Variants in TMEM67 observed in about 807,000 individuals in gnomAD.
The protein encoded by TMEM67 is meckelin.
A neutral mutation model predicts 136.6 loss-of-function variants in TMEM67; 124 were observed. The ratio of observed to expected loss-of-function variants is 0.91; its 90% CI spans 0.78 to 1.05. The LOEUF is 1.05. Among genes scored for constraint, TMEM67 ranks in the 50% least tolerant of loss-of-function variants. The pLI, the probability that TMEM67 is intolerant of heterozygous loss-of-function variation, is 0.00. For missense variants in TMEM67, 1,107 were observed against 1,178.4 expected, an observed-to-expected ratio of 0.94 and a Z score of 0.89; for synonymous variants, 364 against 390.5, an observed-to-expected ratio of 0.93 and a Z score of 0.80.
chr8:93,780,459 C>T, intron 7 of TMEM67, 134 bp from the exon 8 acceptor site: 1 of 893,150 alleles, frequency 1.1e-6, no homozygotes, highest in Non-Finnish European at 1.8e-6. Context: ...GTTGATTATG[C>T]TGGGAGCTGC....
At chr8:93,805,532 G>A (rs1257505514) in intron 23 of TMEM67, among the ~76,000 whole-genome samples, 5 of 147,856 alleles carry the variant, frequency 3.4e-5, no homozygotes, top group Admixed American at 1.4e-4. Flanking sequence ...AGTGAGCCGA[G>A]ATTGCGCCAC....
intron 23 of TMEM67, among the ~76,000 whole-genome samples, chr8:93,807,436 C>T (rs1222879486): frequency 6.6e-6 from 1 of 151,944 alleles, no homozygotes; most frequent in Non-Finnish European, 1.5e-5. Flanking sequence ...ATGGTAAAAT[C>T]ATATTTTGTA....
intron 7 of TMEM67, among the ~76,000 whole-genome samples, chr8:93,779,025 C>T (rs1192118061): frequency 6.6e-6 from 1 of 152,146 alleles, no homozygotes; most frequent in Non-Finnish European, 1.5e-5. Flanking sequence ...TCACATAGTC[C>T]CATATTTCTT....
At chr8:93,798,941 T>TG (rs1563473392) in intron 20 of TMEM67, among the ~76,000 whole-genome samples, 15 of 105,884 alleles carry the variant, frequency 1.4e-4, no homozygotes, top group South Asian at 1.4e-3. Context: ...TGTACTAAAG[T>TG]AGTGTGTGTG....
intron 14 of TMEM67, among the ~76,000 whole-genome samples, chr8:93,790,602 T>C (rs1216451569): frequency 6.6e-6 from 1 of 152,250 alleles, no homozygotes; most frequent in Non-Finnish European, 1.5e-5. Flanking sequence ...CCCAACCATT[T>C]ATTCTTTCAT....
At chr8:93,804,025 C>T (rs930896671) in intron 22 of TMEM67, among the ~76,000 whole-genome samples, 1 of 151,812 alleles carries the variant, frequency 6.6e-6, no homozygotes, top group African/African-American at 2.4e-5. Flanking sequence ...CAGGTGTGCA[C>T]CACTATGCTG....
chr8:93,793,427 A>T, intron 16 of TMEM67, 131 bp downstream of exon 16: 1 of 761,368 alleles, frequency 1.3e-6, no homozygotes, highest in Admixed American at 2.0e-5. Flanking sequence ...TAGGGTAAGT[A>T]TTGCTGGGTC....
chr8:93,816,497 A>G lies in TMEM67; in HGVS notation c.*45A>G. ...AAAGACTCAGTATAATCATGGCCAAAAAAAAGTCATGATATCAGGTTAGTT... is the reference window on the plus strand; with the variant it reads ...AAAGACTCAGTATAATCATGGCCAAGAAAAAGTCATGATATCAGGTTAGTT... On this transcript the variant is annotated 3_prime_UTR_variant, in exon 28 of 28. Transcript: ENST00000453321. 9.2e-7 allele frequency: 1 copy of G among 1,089,584 alleles called. No homozygotes were observed. Among genetic ancestry groups the G allele is most frequent in the Non-Finnish European group, 1.4e-6 (1 of 716,060 alleles). 67.5% of individuals were successfully genotyped at this position (1,089,584 alleles called of 1,614,324 possible). A position where few individuals can be genotyped will look rare whatever the true frequency, so the allele number is the denominator to read the frequency against.
chr8:93,803,496 A>G, intron 21 of TMEM67, 108 bp from the exon 22 acceptor site: 1 of 688,066 alleles, frequency 1.5e-6, no homozygotes, highest in East Asian at 2.7e-5. Flanking sequence ...GTTAAAGGCC[A>G]CTGTGCTTTT....
intron 27 of TMEM67, among the ~76,000 whole-genome samples, chr8:93,816,149 T>C (rs904886935): frequency 1.3e-5 from 2 of 152,222 alleles, no homozygotes; most frequent in Non-Finnish European, 2.9e-5. Flanking sequence ...TGAGAGAATT[T>C]GTATTATTAA....
At chr8:93,757,004 G>A (rs146845662) in intron 2 of TMEM67, 3,465 of 151,840 alleles carry the variant, frequency 0.023, 66 homozygotes, top group Non-Finnish European at 0.035. Context: ...AACTCAGGAG[G>A]CAGAGGTTGC....
At chr8:93,815,914 A>G (rs928594391) in intron 27 of TMEM67, among the ~76,000 whole-genome samples, 3 of 152,254 alleles carry the variant, frequency 2.0e-5, no homozygotes, top group Non-Finnish European at 4.4e-5. Flanking sequence ...AGAGATTTCA[A>G]GAATTGGCAA....
At chr8:93,754,855 C>T, upstream of TMEM67, 4 of 1,533,378 alleles carry the variant, frequency 2.6e-6, no homozygotes, top group Non-Finnish European at 3.6e-6. Flanking sequence ...ATCAGCTCAG[C>T]GAAGCCGCCG....
intron 7 of TMEM67, among the ~76,000 whole-genome samples, chr8:93,778,087 GA>G (rs1287942823): frequency 6.6e-6 from 1 of 152,190 alleles, no homozygotes; most frequent in African/African-American, 2.4e-5. Context: ...TTGTTGAATT[GA>G]TCCCTTTACC....
chr8:93,779,737 C>T (rs555991789), intron 7 of TMEM67, among the ~76,000 whole-genome samples: 13 of 152,278 alleles, frequency 8.5e-5, no homozygotes, highest in African/African-American at 3.1e-4. Context: ...CTGATCCTTC[C>T]TCTGGAAGCT....
At chr8:93,779,893 A>G (rs1813733309) in intron 7 of TMEM67, among the ~76,000 whole-genome samples, 1 of 152,172 alleles carries the variant, frequency 6.6e-6, no homozygotes, top group East Asian at 1.9e-4. Context: ...TGGGAGAACC[A>G]CTGCTCTCTT....
At chr8:93,805,443 G>C (rs1815096134) in intron 23 of TMEM67, among the ~76,000 whole-genome samples, 1 of 152,096 alleles carries the variant, frequency 6.6e-6, no homozygotes, top group African/African-American at 2.4e-5. Flanking sequence ...AATTAGCCGG[G>C]CATGGTCGCG....
chr8:93,832,596 G>T, the TMEM67 span, among the ~76,000 whole-genome samples: 3 of 152,154 alleles, frequency 2.0e-5, no homozygotes, highest in Admixed American at 2.0e-4. Flanking sequence ...GGGCCGGGCA[G>T]GGTGGCTTAC....
intron 26 of TMEM67, among the ~76,000 whole-genome samples, chr8:93,810,741 G>A (rs139621997): frequency 4.5e-4 from 69 of 152,256 alleles, no homozygotes; most frequent in Admixed American, 1.1e-3. Flanking sequence ...AGAATCAACA[G>A]TCCACATGGA....
Sources: allele counts gnomAD v4.1 joint callset (sites outside exome capture counted in the v4.1 genomes callset), GRCh38; gene constraint gnomAD v4.1.1; transcripts MANE v1.5; gene names NCBI Gene and HGNC (gene_info 2026-07-23, HGNC 2026-07-21).